The following HHAT variants were observed in gnomAD, a reference collection of about 807,000 sequenced individuals.
The protein encoded by HHAT is protein-cysteine N-palmitoyltransferase HHAT.
A neutral mutation model predicts 70.8 loss-of-function variants in HHAT; 47 were observed. That is an observed-to-expected ratio of 0.66 (90% CI 0.53 to 0.85). The LOEUF (loss-of-function observed/expected upper bound fraction) is 0.85, where lower values mean the gene tolerates loss of function less well. Among genes scored for constraint, HHAT ranks in the 40% least tolerant of loss-of-function variants. The probability of loss-of-function intolerance (pLI) is 0.00; values close to 1 mark genes in which losing one functional copy is unlikely to be tolerated. For missense variants in HHAT, 609 were observed against 604.8 expected (o/e 1.01, Z -0.07); for synonymous variants, 228 against 247.6 (o/e 0.92, Z 0.74).
intron 9 of HHAT, among the ~76,000 whole-genome samples, chr1:210,561,571 C>G (rs550546307): frequency 2.0e-5 from 3 of 152,236 alleles, no homozygotes; most frequent in South Asian, 4.2e-4. Flanking sequence ...TCATTCTTAC[C>G]CTTGTTTTAC....
intron 2 of HHAT, among the ~76,000 whole-genome samples, chr1:210,359,696 G>A (rs1409754702): frequency 6.6e-6 from 1 of 151,946 alleles, no homozygotes; most frequent in East Asian, 1.9e-4. Context: ...TAGAAACCCC[G>A]TCTCTACTAA....
chr1:210,481,048 TAACA>T (rs546168731), intron 8 of HHAT, among the ~76,000 whole-genome samples: 44 of 152,174 alleles, frequency 2.9e-4, no homozygotes, highest in African/African-American at 1.1e-3. Flanking sequence ...GACAGATAAT[TAACA>T]AACCTAATAA....
At chr1:210,360,468 G>A (rs2088169151) in intron 2 of HHAT, among the ~76,000 whole-genome samples, 2 of 151,994 alleles carry the variant, frequency 1.3e-5, no homozygotes, top group South Asian at 2.1e-4. Context: ...CTGCCATCAC[G>A]CCCAGCTAAT....
intron 8 of HHAT, among the ~76,000 whole-genome samples, chr1:210,505,065 A>G (rs908424790): frequency 2.0e-5 from 3 of 151,830 alleles, no homozygotes; most frequent in Non-Finnish European, 2.9e-5. Flanking sequence ...CACCCGGCTA[A>G]TTTTTGTATT....
intron 7 of HHAT, among the ~76,000 whole-genome samples, chr1:210,434,597 T>G (rs1260157356): frequency 6.6e-6 from 1 of 151,826 alleles, no homozygotes; most frequent in Non-Finnish European, 1.5e-5. Flanking sequence ...TTTCCCCAAG[T>G]AACTATTCAA....
intron 7 of HHAT, among the ~76,000 whole-genome samples, chr1:210,425,592 G>T (rs4845022): frequency 0.84 from 127,458 of 152,084 alleles, 53,486 homozygotes; most frequent in African/African-American, 0.86. Context: ...ATTTATTGAG[G>T]AGGGAATTAT....
intron 9 of HHAT, among the ~76,000 whole-genome samples, chr1:210,572,629 C>T (rs1180930021): frequency 6.6e-6 from 1 of 152,198 alleles, no homozygotes; most frequent in Non-Finnish European, 1.5e-5. Context: ...TTTTGTGGCT[C>T]GTGCCTGTAA....
At chr1:210,374,473 G>A (rs2090015308) in intron 3 of HHAT, among the ~76,000 whole-genome samples, 3 of 152,182 alleles carry the variant, frequency 2.0e-5, no homozygotes, top group Admixed American at 2.0e-4. Context: ...CTATGGGTAT[G>A]CAAATGAGAT....
chr1:210,436,825 T>C (rs2093388057), intron 7 of HHAT, among the ~76,000 whole-genome samples: 1 of 151,876 alleles, frequency 6.6e-6, no homozygotes, highest in Non-Finnish European at 1.5e-5. Context: ...CCTCTCAGCT[T>C]GTACTATAAC....
chr1:210,576,616 T>C (rs1460394996), intron 9 of HHAT, among the ~76,000 whole-genome samples: 6 of 152,060 alleles, frequency 3.9e-5, no homozygotes, highest in Admixed American at 2.0e-4. Context: ...TGTTTACATA[T>C]GTAACAAACC....
intron 8 of HHAT, among the ~76,000 whole-genome samples, chr1:210,478,532 C>A (rs1157370398): frequency 6.6e-6 from 1 of 152,130 alleles, no homozygotes; most frequent in African/African-American, 2.4e-5. Flanking sequence ...CTAAGAAAAT[C>A]TTTAGCAGCC....
chr1:210,433,619 C>A (rs1362853009), intron 7 of HHAT, among the ~76,000 whole-genome samples: 1 of 151,836 alleles, frequency 6.6e-6, no homozygotes, highest in African/African-American at 2.4e-5. Context: ...TTGCTACTCC[C>A]TGGGATTGAG....
At chr1:210,614,018 CA>C (rs55874321) in intron 10 of HHAT, among the ~76,000 whole-genome samples, 24,245 of 110,488 alleles carry the variant, frequency 0.22, 2,197 homozygotes, top group East Asian at 0.51. Flanking sequence ...GACCCTGCCT[CA>C]AAAAAAAAAA....
intron 4 of HHAT, among the ~76,000 whole-genome samples, chr1:210,388,794 A>G (rs1338116520): frequency 6.6e-6 from 1 of 152,078 alleles, no homozygotes; most frequent in Non-Finnish European, 1.5e-5. Context: ...GAAATTTAAC[A>G]TTTTAATTCG....
chr1:210,485,618 G>T (rs1290777964), intron 8 of HHAT, among the ~76,000 whole-genome samples: 3 of 152,154 alleles, frequency 2.0e-5, no homozygotes, highest in Non-Finnish European at 4.4e-5. Context: ...GTTCCACGTG[G>T]CTGGGGAGGC....
chr1:210,467,983 CTG>C (rs2094137583), intron 8 of HHAT, among the ~76,000 whole-genome samples: 1 of 152,196 alleles, frequency 6.6e-6, no homozygotes, highest in African/African-American at 2.4e-5. Flanking sequence ...TTCAAATTGA[CTG>C]TGAAAAATTG....
chr1:210,401,183 T>G (rs2092052365), intron 5 of HHAT, among the ~76,000 whole-genome samples: 1 of 152,158 alleles, frequency 6.6e-6, no homozygotes, highest in Admixed American at 6.5e-5. Flanking sequence ...GGTGCGATCT[T>G]GGTTCACTGC....
In HHAT at chr1:210,418,445, A is replaced by G. The variant is rs184871913; in HGVS notation, c.856+120A>G. Reference sequence around the variant, plus strand: ...GTGCCTATAGCAAACCCTCTTTATTATTATTTTTTAACCTACTCCTCTTGT... The same window carrying G: ...GTGCCTATAGCAAACCCTCTTTATTGTTATTTTTTAACCTACTCCTCTTGT... On this transcript the variant is annotated intron_variant, in intron 7 of 11. Transcript: ENST00000261458. 9.0e-5 allele frequency: 78 copies of G among 863,580 alleles called. No individual in the cohort carries two copies. The South Asian group carries it at 9.1e-4, about 10-fold the overall frequency. The allele number at this position is 863,580 out of a possible 1,614,324, so 53.5% of individuals were successfully genotyped here.
intron 4 of HHAT, among the ~76,000 whole-genome samples, chr1:210,394,229 CTTT>C (rs59554789): frequency 2.3e-4 from 27 of 116,252 alleles, no homozygotes; most frequent in African/African-American, 6.9e-4. Context: ...CATGATCTAT[CTTT>C]TTTTTTTTTT....
Sources: allele counts gnomAD v4.1 joint callset (sites outside exome capture counted in the v4.1 genomes callset), GRCh38; gene constraint gnomAD v4.1.1; transcripts MANE v1.5; gene names NCBI Gene and HGNC (gene_info 2026-07-23, HGNC 2026-07-21).